The following KRT6A variants were observed in gnomAD, a reference collection of about 807,000 sequenced individuals.
KRT6A encodes keratin 6A.
KRT6A carries 28 observed loss-of-function variants against 48.6 expected under a neutral mutation model. The ratio of observed to expected loss-of-function variants is 0.58; its 90% CI spans 0.43 to 0.79. KRT6A has a LOEUF of 0.79. Ranked by LOEUF, KRT6A falls within the 30% of genes least tolerant of loss-of-function variation. The pLI is 0.00. For synonymous variants in KRT6A, 301 were observed against 294.2 expected, an observed-to-expected ratio of 1.02 and a Z score of -0.24; for missense variants, 687 against 724.3, an observed-to-expected ratio of 0.95 and a Z score of 0.59.
chr12:52,487,716 C>G lies in KRT6A; in HGVS notation c.*4G>C. 6.2e-7 allele frequency: 1 copy of G among 1,614,192 alleles called. No homozygotes were observed. Among genetic ancestry groups the G allele is most frequent in the Non-Finnish European group, 8.5e-7 (1 of 1,180,042 alleles). The stretch of plus-strand genomic sequence containing the variant: ...CTGTGGGACCGAGAGCTAGCAGACG[C>G]ACTTTAGTGCTTATAGCTCTTCCTG... On this transcript the variant is annotated 3_prime_UTR_variant, in exon 9 of 9. Coordinates refer to ENST00000330722, the MANE Select transcript of KRT6A (RefSeq NM_005554.4).
At chr12:52,491,980 T>A (rs1005371687) in intron 1 of KRT6A, among the ~76,000 whole-genome samples, 2 of 152,232 alleles carry the variant, frequency 1.3e-5, no homozygotes, top group Non-Finnish European at 1.5e-5. Flanking sequence ...GACATATTAA[T>A]GAGTTTCAAC....
Position 52,491,136 on chromosome 12 carries a change from C to G in KRT6A, c.792G>C (p.Glu264Asp). 1 of 1,613,986 alleles carries G rather than the reference C, an allele frequency of 6.2e-7. No homozygotes were observed. The highest frequency in any genetic ancestry group is 8.5e-7 in the Non-Finnish European group (1 of 1,179,874). ...CCTTCTTCAGAGTCACAAATTCATT[C>G]TCTGCTGCTGTGCGCTTGTTGATTT... The part of the protein sequence containing the change: ...EDEINKRTAA[E>D]NEFVTLKKDV... The change falls in exon 3 of 9, where the codon GAG (glutamate) becomes GAC (aspartate). Residue 264 changes from glutamate (E) to aspartate (D), a missense_variant. By Grantham distance (45) the Glu-to-Asp change is conservative. Around this residue, in one of 3 missense-constraint regions of KRT6A, gnomAD observed 566 missense variants for 565.3 expected, o/e 1.00. Transcript: ENST00000330722.
chr12:52,493,250 G>A lies in KRT6A; in HGVS notation c.-62C>T. The A allele has an allele frequency of 1.9e-6, 3 of 1,611,194 alleles. No individual in the cohort carries two copies. The highest frequency in any genetic ancestry group is 2.5e-6 in the Non-Finnish European group (3 of 1,178,488). ...AGGCTGGAGGAGAGAGGGAAGAGAA[G>A]CAGGACTAGGAATCAGGCTCGGGGC... is the stretch of plus-strand genomic sequence containing the variant. On this transcript the variant is annotated 5_prime_UTR_variant, in exon 1 of 9. Transcript: ENST00000330722.
intron 5 of KRT6A, chr12:52,490,298 T>C: frequency 2.1e-6 from 2 of 966,886 alleles, no homozygotes; most frequent in Non-Finnish European, 1.5e-6. Context: ...AGAAATGTTC[T>C]GTACCAATTT....
Position 52,490,208 on chromosome 12 carries a change from G to A in KRT6A, c.1078-140C>T, listed in dbSNP as rs1201502308. ...AAACTTGAGGAAAAGTTGATATTATGTGGTTGGTGGATACTAAACACTGGA... is the reference window on the plus strand; with the variant it reads ...AAACTTGAGGAAAAGTTGATATTATATGGTTGGTGGATACTAAACACTGGA... On this transcript the variant is annotated intron_variant, in intron 5 of 8. Coordinates refer to ENST00000330722, the MANE Select transcript of KRT6A (RefSeq NM_005554.4). 3.9e-6 allele frequency: 6 copies of A among 1,528,058 alleles called. No individual in the cohort carries two copies. The Admixed American group carries it at 1.0e-4, about 26-fold the overall frequency. 94.7% of individuals were successfully genotyped at this position (1,528,058 alleles called of 1,614,324 possible).
chr12:52,488,010 G>A (rs1938179128), intron 8 of KRT6A, 55 bp from the exon 9 acceptor site: 4 of 1,614,090 alleles, frequency 2.5e-6, no homozygotes, highest in South Asian at 1.1e-5. Flanking sequence ...CATCCTGTCA[G>A]CCTGAGCCCA....
In KRT6A at chr12:52,490,560, C is replaced by T. The variant is rs765848754; in HGVS notation, c.1077+9G>A. The T allele has an allele frequency of 6.2e-7, 1 of 1,614,200 alleles. No individual in the cohort carries two copies. Among genetic ancestry groups the T allele is most frequent in the South Asian group, 1.1e-5 (1 of 91,084 alleles). Reference sequence around the variant, plus strand: ...GGGATTCCTCAGCGGCTGCCCACTCCCTGCTCACCTTGGTCTGGTACCAGG... The same window carrying T: ...GGGATTCCTCAGCGGCTGCCCACTCTCTGCTCACCTTGGTCTGGTACCAGG... On this transcript the variant is annotated intron_variant, in intron 5 of 8. Coordinates refer to ENST00000330722, the MANE Select transcript of KRT6A (RefSeq NM_005554.4).
In KRT6A at chr12:52,492,205, T is replaced by G. The variant is rs370326769; in HGVS notation, c.540+444A>C. Among the ~76,000 whole-genome samples the G allele has an allele frequency of 3.9e-5, 6 of 152,198 alleles. No individual in the cohort carries two copies. The East Asian group carries it at 1.2e-3, about 29-fold the overall frequency. On this transcript the variant is annotated intron_variant, in intron 1 of 8. Coordinates refer to ENST00000330722, the MANE Select transcript of KRT6A (RefSeq NM_005554.4). ...TATGGTCATTCTTTGTTTTGAGGAT[T>G]AATTAACATTTCCACATAACGTATA...
At position 52,491,755 on chromosome 12, in the gene KRT6A, G is replaced by A. The variant is rs1452925626; in HGVS notation, c.541-19C>T. ...ACCGCACCTGAAAGAGAGACAAGAT[G>A]ATCATTTTCCAGGCAAGGGAAGGAA... is the stretch of plus-strand genomic sequence containing the variant. On this transcript the variant is annotated intron_variant, in intron 1 of 8. Transcript: ENST00000330722. The A allele has an allele frequency of 6.2e-7, 1 of 1,613,878 alleles. No homozygotes were observed. Among genetic ancestry groups the A allele is most frequent in the Non-Finnish European group, 8.5e-7 (1 of 1,179,904 alleles).
intron 8 of KRT6A, 40 bp from the exon 9 acceptor site, chr12:52,487,995 G>C: frequency 6.2e-7 from 1 of 1,614,184 alleles, no homozygotes; most frequent in East Asian, 2.2e-5. Context: ...AAGCCATGGT[G>C]AGCTCATCCT....
Position 52,492,999 on chromosome 12 carries a change from G to A in KRT6A, c.190C>T (p.Leu64=). The A allele has an allele frequency of 6.2e-7, 1 of 1,611,534 alleles. No individual in the cohort carries two copies. Among genetic ancestry groups the A allele is most frequent in the African/African-American group, 1.3e-5 (1 of 74,898 alleles). Residue 64 remains leucine (L), a synonymous_variant, in exon 1 of 9, where the codon CTG becomes TTG. Transcript: ENST00000330722. ...AGFGSRSLYG[L]GGSKRISIGG... ...ATGGAGATCCTCTTGGAGCCCCCCA[G>A]GCCATACAGACTGCGGCTGCCAAAG...
Position 52,488,388 on chromosome 12 carries a change from T to G in KRT6A, c.1364A>C (p.Lys455Thr). The change falls in exon 7 of 9, where the codon AAG becomes ACG. Residue 455 changes from lysine to threonine, a missense_variant. Transcript: ENST00000330722. ...LKEYQELMNV[K>T]LALDVEIATY... is the part of the protein sequence containing the mutation. ...GGCGATCTCCACGTCCAGGGCCAGC[T>G]TGACATTCATCAGCTCCTGGTACTC... The G allele has an allele frequency of 6.2e-7, 1 of 1,614,156 alleles. No individual in the cohort carries two copies. Among genetic ancestry groups the G allele is most frequent in the South Asian group, 1.1e-5 (1 of 91,076 alleles).
At position 52,490,573 on chromosome 12, in the gene KRT6A, G is replaced by T. The variant is rs750615661; in HGVS notation, c.1073C>A (p.Thr358Asn). ...GGCTGCCCACTCCCTGCTCACCTTG[G>T]TCTGGTACCAGGACTCAGCCTCAGC... ...SRAEAESWYQ[T>N]KYEELQVTAG... The change falls in exon 5 of 9, where the codon ACC (threonine) becomes AAC (asparagine). Residue 358 changes from threonine (T) to asparagine (N), a missense_variant. Transcript: ENST00000330722. 20 of 1,614,046 alleles carry T rather than the reference G, an allele frequency of 1.2e-5. No individual in the cohort carries two copies. Among genetic ancestry groups the T allele is most frequent in the East Asian group, 2.2e-5 (1 of 44,882 alleles).
chr12:52,487,453 G>T lies in KRT6A; in HGVS notation c.*267C>A. 5 of 540,606 alleles carry T rather than the reference G, an allele frequency of 9.2e-6. No individual in the cohort carries two copies. The highest frequency in any genetic ancestry group is 3.1e-5 in the East Asian group (1 of 31,894). 33.5% of individuals were successfully genotyped at this position (540,606 alleles called of 1,614,324 possible). On this transcript the variant is annotated 3_prime_UTR_variant, in exon 9 of 9. Transcript: ENST00000330722. ...CAGCCTCAGAGATAGAACACTGGAGGCAAGAAATTAATAATTTAGTAACAG... is the reference window on the plus strand; with the variant it reads ...CAGCCTCAGAGATAGAACACTGGAGTCAAGAAATTAATAATTTAGTAACAG...
intron 5 of KRT6A, 95 bp from the exon 6 acceptor site, chr12:52,490,163 C>A (rs4761913): frequency 0.24 from 387,249 of 1,606,280 alleles, 49,661 homozygotes; most frequent in African/African-American, 0.45. Context: ...ATGAAGTGGA[C>A]CTAAAGGCTT....
Position 52,489,825 on chromosome 12 carries a change from A to T in KRT6A, c.1203+118T>A, listed in dbSNP as rs1163921816. 9.0e-6 allele frequency: 14 copies of T among 1,549,482 alleles called. No homozygotes were observed. In the Admixed American group the frequency reaches 1.9e-4, roughly 21 times the overall value. Reference sequence around the variant, plus strand: ...AGGTACCCACTAAGGGTAGGAAATGATAGCCTCCTCTCCCTGGTTTTGATA... The same window carrying T: ...AGGTACCCACTAAGGGTAGGAAATGTTAGCCTCCTCTCCCTGGTTTTGATA... On this transcript the variant is annotated intron_variant, in intron 6 of 8. Transcript: ENST00000330722.
At position 52,490,804 on chromosome 12, in the gene KRT6A, T is replaced by C. The variant is rs566927106; in HGVS notation, c.912+54A>G. The C allele has an allele frequency of 5.1e-5, 83 of 1,613,964 alleles. No individual in the cohort carries two copies. The South Asian group carries it at 8.8e-4, about 17-fold the overall frequency. On this transcript the variant is annotated intron_variant, in intron 4 of 8. Coordinates refer to ENST00000330722, the MANE Select transcript of KRT6A (RefSeq NM_005554.4). ...CAGAGATACCCAACCCTATACATCTTCTCCCCTTTGCAGACCCCATCAGAG... is the reference window on the plus strand; with the variant it reads ...CAGAGATACCCAACCCTATACATCTCCTCCCCTTTGCAGACCCCATCAGAG...
chr12:52,488,814 A>C (rs886533423), intron 6 of KRT6A, among the ~76,000 whole-genome samples: 2 of 152,178 alleles, frequency 1.3e-5, no homozygotes, highest in Non-Finnish European at 2.9e-5. Context: ...GGACACATAC[A>C]CTGGAAGAAA....
chr12:52,492,474 TG>T (rs1380024153), intron 1 of KRT6A, among the ~76,000 whole-genome samples, 174 bp downstream of exon 1: 2 of 152,144 alleles, frequency 1.3e-5, no homozygotes, highest in African/African-American at 2.4e-5. Flanking sequence ...AGAGATCCCA[TG>T]GGGGAGTGAT....
Sources: gnomAD v4.1 joint callset for allele counts (sites outside exome capture counted in the v4.1 genomes callset) on GRCh38, gnomAD v4.1.1 for gene constraint, gnomAD v4.1.1 regional missense constraint, MANE v1.5 for transcripts, NCBI Gene and HGNC (gene_info 2026-07-23, HGNC 2026-07-21) for gene names.